The following TP63 variants were observed in gnomAD, a reference collection of about 807,000 sequenced individuals.
TP63 encodes the protein tumor protein p63, also known as tumor protein 63.
In TP63, 17 loss-of-function variants were observed where a neutral mutation model predicts 82.8. The observed-to-expected ratio is 0.21, with a 90% CI of 0.14 to 0.31. The LOEUF (loss-of-function observed/expected upper bound fraction) is 0.31, where lower values mean the gene tolerates loss of function less well. TP63 is among the 10% of genes least tolerant of loss of function. TP63 has a pLI of 1.00. For missense variants in TP63, 648 were observed against 895.3 expected (o/e 0.72, Z 3.52); for synonymous variants, 330 against 321.7 (o/e 1.03, Z -0.28).
chr3:189,887,235 G>A (rs1450069375), intron 11 of TP63, among the ~76,000 whole-genome samples: 2 of 150,600 alleles, frequency 1.3e-5, no homozygotes, highest in Non-Finnish European at 3.0e-5. Flanking sequence ...ATCTAGAAAA[G>A]TAGATTATCG....
chr3:189,612,536 C>G, the TP63 span, among the ~76,000 whole-genome samples: 1 of 152,068 alleles, frequency 6.6e-6, no homozygotes, highest in Non-Finnish European at 1.5e-5. Flanking sequence ...CTATCAGCAG[C>G]GTGAAAATGA....
intron 1 of TP63, among the ~76,000 whole-genome samples, chr3:189,671,945 T>C (rs746642844): frequency 5.9e-4 from 90 of 152,144 alleles, no homozygotes; most frequent in Non-Finnish European, 9.3e-4. Context: ...AAGTTACAGC[T>C]GAGTAGGAAG....
intron 5 of TP63, 123 bp downstream of exon 5, chr3:189,864,541 CTTTTTTTTTTTTT>C (rs10714778): frequency 2.1e-4 from 45 of 215,490 alleles, no homozygotes; most frequent in African/African-American, 1.5e-3. Context: ...ATCAGTCTGC[CTTTTTTTTTTTTT>C]TTTTTTTTTT....
chr3:189,815,922 A>G (rs1034940794), intron 4 of TP63, among the ~76,000 whole-genome samples: 78 of 152,192 alleles, frequency 5.1e-4, no homozygotes, highest in African/African-American at 1.9e-3. Flanking sequence ...TTGTTTTCTT[A>G]CAGCAAATGA....
At chr3:189,636,174 C>G (rs573342709) in intron 1 of TP63, among the ~76,000 whole-genome samples, 1 of 152,042 alleles carries the variant, frequency 6.6e-6, no homozygotes, top group Non-Finnish European at 1.5e-5. Flanking sequence ...TATGACCAAC[C>G]GTGGTTAGCC....
chr3:189,620,751 A>G, the TP63 span, among the ~76,000 whole-genome samples: 1 of 152,202 alleles, frequency 6.6e-6, no homozygotes, highest in Non-Finnish European at 1.5e-5. Flanking sequence ...TGTGGCCTCA[A>G]TAAATGTGAC....
chr3:189,850,022 A>G (rs1373194290), intron 4 of TP63, among the ~76,000 whole-genome samples: 1 of 152,186 alleles, frequency 6.6e-6, no homozygotes, highest in African/African-American at 2.4e-5. Flanking sequence ...CTCATGCCCT[A>G]TAATCCGAGT....
chr3:189,741,232 T>A (rs1720963623), intron 3 of TP63, among the ~76,000 whole-genome samples: 1 of 150,940 alleles, frequency 6.6e-6, no homozygotes, highest in Non-Finnish European at 1.5e-5. Context: ...GAGATATTCC[T>A]AACAACGTAG....
intron 3 of TP63, among the ~76,000 whole-genome samples, chr3:189,786,453 AC>A (rs1724608329): frequency 9.4e-6 from 1 of 106,120 alleles, no homozygotes; most frequent in Non-Finnish European, 1.9e-5. Flanking sequence ...CTAAACACAC[AC>A]ACACACACAC....
chr3:189,795,995 C>G (rs947669083), intron 3 of TP63, among the ~76,000 whole-genome samples: 6 of 152,038 alleles, frequency 3.9e-5, no homozygotes, highest in African/African-American at 1.4e-4. Flanking sequence ...CAAACTGACT[C>G]TCTGTGTTTA....
At chr3:189,764,880 C>T (rs1324968246) in intron 3 of TP63, among the ~76,000 whole-genome samples, 1 of 152,128 alleles carries the variant, frequency 6.6e-6, no homozygotes, top group African/African-American at 2.4e-5. Context: ...ATGCTTTGTC[C>T]TGGAATGGAG....
At chr3:189,601,802 A>T in the TP63 span, among the ~76,000 whole-genome samples, 1 of 152,156 alleles carries the variant, frequency 6.6e-6, no homozygotes, top group African/African-American at 2.4e-5. Flanking sequence ...TGAGGAAGCA[A>T]TGTGAGCTTT....
At position 189,895,729 on chromosome 3, in the gene TP63, C is replaced by T. The variant is rs1051790299; in HGVS notation, c.*1227C>T. The T allele has an allele frequency of 4.4e-6, 1 of 228,860 alleles. No individual in the cohort carries two copies. Among genetic ancestry groups the T allele is most frequent in the African/African-American group, 2.2e-5 (1 of 45,120 alleles). 14.2% of individuals were successfully genotyped at this position (228,860 alleles called of 1,614,324 possible). A position where few individuals can be genotyped will look rare whatever the true frequency, so the allele number is the denominator to read the frequency against. On this transcript the variant is annotated 3_prime_UTR_variant, in exon 14 of 14. Coordinates refer to ENST00000264731, the MANE Select transcript of TP63 (RefSeq NM_003722.5). Reference sequence around the variant, plus strand: ...TTGGTAAATGTTTCTTTTAAAGACCCTCCTATTCTATAAAACTCTGCATGT... The same window carrying T: ...TTGGTAAATGTTTCTTTTAAAGACCTTCCTATTCTATAAAACTCTGCATGT...
the TP63 span, among the ~76,000 whole-genome samples, chr3:189,598,306 G>A: frequency 1.3e-5 from 2 of 150,934 alleles, no homozygotes; most frequent in Non-Finnish European, 3.0e-5. Context: ...GCAGGAGAGG[G>A]GAGGGAACGG....
chr3:189,643,328 A>T (rs1386002829), intron 1 of TP63, among the ~76,000 whole-genome samples: 2 of 152,098 alleles, frequency 1.3e-5, no homozygotes, highest in African/African-American at 4.8e-5. Context: ...AGGACAGTCT[A>T]TTCTCCCTCT....
At chr3:189,608,060 T>C in the TP63 span, among the ~76,000 whole-genome samples, 1 of 152,204 alleles carries the variant, frequency 6.6e-6, no homozygotes, top group African/African-American at 2.4e-5. Flanking sequence ...TCATAGGTTA[T>C]AAGTTCATTA....
At chr3:189,705,970 C>A (rs1460529116) in intron 1 of TP63, among the ~76,000 whole-genome samples, 2 of 152,150 alleles carry the variant, frequency 1.3e-5, no homozygotes. Context: ...ACCTGATTTA[C>A]AAATTAAGGA....
intron 3 of TP63, among the ~76,000 whole-genome samples, chr3:189,739,305 AG>A (rs1720812867): frequency 6.6e-6 from 1 of 151,986 alleles, no homozygotes; most frequent in African/African-American, 2.4e-5. Context: ...TAGGAGAGGC[AG>A]GGTTTCGCCA....
intron 4 of TP63, among the ~76,000 whole-genome samples, chr3:189,859,866 C>G (rs7628486): frequency 6.6e-6 from 1 of 152,012 alleles, no homozygotes; most frequent in Non-Finnish European, 1.5e-5. Flanking sequence ...TCTCAAAAGC[C>G]TTATCACATA....
Sources: allele counts gnomAD v4.1 joint callset (sites outside exome capture counted in the v4.1 genomes callset), GRCh38; gene constraint gnomAD v4.1.1; transcripts MANE v1.5; gene names NCBI Gene and HGNC (gene_info 2026-07-23, HGNC 2026-07-21).